NTF3: variants seen among roughly 807,000 people sequenced by gnomAD.
NTF3 encodes the protein neurotrophin-3.
Under a neutral mutation model 26.3 loss-of-function variants are expected in NTF3, and 8 were observed. The observed-to-expected ratio is 0.30, with a 90% CI of 0.18 to 0.55. NTF3 has a LOEUF of 0.55. Ranked by LOEUF, NTF3 falls within the 20% of genes least tolerant of loss-of-function variation. NTF3 has a pLI of 0.93. For missense variants in NTF3, 276 were observed against 352.9 expected (o/e 0.78, Z 1.75); for synonymous variants, 154 against 145.5 (o/e 1.06, Z -0.42).
chr12:5,431,385 G>T (rs1940084321), upstream of NTF3, among the ~76,000 whole-genome samples: 1 of 152,152 alleles, frequency 6.6e-6, no homozygotes, highest in South Asian at 2.1e-4. Context: ...CCGCAAACAC[G>T]CGCGCGCACA....
chr12:5,436,556 C>T (rs1385030502), intron 1 of NTF3, among the ~76,000 whole-genome samples: 1 of 152,180 alleles, frequency 6.6e-6, no homozygotes, highest in Non-Finnish European at 1.5e-5. Context: ...AAAGTTCACT[C>T]CTCTTTTCCC....
intron 1 of NTF3, among the ~76,000 whole-genome samples, chr12:5,434,887 A>C (rs1460595112): frequency 1.3e-5 from 2 of 152,024 alleles, no homozygotes; most frequent in Non-Finnish European, 2.9e-5. Flanking sequence ...ATGAGGGTGC[A>C]CTGGGAAATT....
chr12:5,459,705 G>A (rs1434819212), intron 1 of NTF3, among the ~76,000 whole-genome samples: 1 of 152,152 alleles, frequency 6.6e-6, no homozygotes, highest in East Asian at 1.9e-4. Flanking sequence ...GTGGTTTCCC[G>A]GAAAAGGCCT....
intron 1 of NTF3, among the ~76,000 whole-genome samples, chr12:5,453,820 G>A (rs1940404054): frequency 6.6e-6 from 1 of 152,204 alleles, no homozygotes; most frequent in African/African-American, 2.4e-5. Flanking sequence ...TGAAGGGGAG[G>A]AGGGAGGAAG....
chr12:5,453,601 G>A (rs1940401791), intron 1 of NTF3, among the ~76,000 whole-genome samples: 1 of 152,228 alleles, frequency 6.6e-6, no homozygotes, highest in African/African-American at 2.4e-5. Flanking sequence ...TTTGATCCAT[G>A]TTTAGCTGTA....
At chr12:5,452,188 C>T (rs573862369) in intron 1 of NTF3, among the ~76,000 whole-genome samples, 4 of 151,218 alleles carry the variant, frequency 2.6e-5, no homozygotes, top group African/African-American at 4.9e-5. Context: ...CTCCGCCTCC[C>T]GGGTTCAAGT....
rs547864151 is a variant in NTF3 at position 5,473,570 on chromosome 12, A to G, written c.19-20624A>G. 4.9e-4 allele frequency among the ~76,000 whole-genome samples: 74 copies of G among 152,288 alleles called. No individual in the cohort carries two copies. The South Asian group carries it at 0.014, about 30-fold the overall frequency. On this transcript the variant is annotated intron_variant, in intron 1 of 1. Transcript: ENST00000423158. ...AAATTTCCAATCCAGTGCTGATAGT[A>G]TGTTAGAGCTGTAGGGCCAGGAAAC...
chr12:5,486,310 G>A (rs1380826521), intron 1 of NTF3, among the ~76,000 whole-genome samples: 1 of 152,188 alleles, frequency 6.6e-6, no homozygotes, highest in Non-Finnish European at 1.5e-5. Context: ...GTCTTGGTTT[G>A]GAAGAGGCAA....
At chr12:5,470,367 A>G (rs1380957069) in intron 1 of NTF3, among the ~76,000 whole-genome samples, 1 of 152,244 alleles carries the variant, frequency 6.6e-6, no homozygotes, top group Non-Finnish European at 1.5e-5. Flanking sequence ...AGTAACTGCC[A>G]CAAGCTCCAG....
chr12:5,453,370 C>G (rs1940399159), intron 1 of NTF3, among the ~76,000 whole-genome samples: 1 of 152,186 alleles, frequency 6.6e-6, no homozygotes, highest in South Asian at 2.1e-4. Context: ...TCCTGCCTCC[C>G]CTTCCCTAAG....
intron 1 of NTF3, among the ~76,000 whole-genome samples, chr12:5,461,757 A>G (rs1206518462): frequency 6.6e-6 from 1 of 152,134 alleles, no homozygotes; most frequent in African/African-American, 2.4e-5. Flanking sequence ...TCTGTCCCCA[A>G]AGGAGCTCTC....
chr12:5,483,602 T>C (rs1407810050), intron 1 of NTF3, among the ~76,000 whole-genome samples: 1 of 152,244 alleles, frequency 6.6e-6, no homozygotes, highest in Non-Finnish European at 1.5e-5. Flanking sequence ...TGAACATATA[T>C]GTGCATATGT....
At chr12:5,448,025 C>G (rs1436079530) in intron 1 of NTF3, among the ~76,000 whole-genome samples, 1 of 152,232 alleles carries the variant, frequency 6.6e-6, no homozygotes, top group Non-Finnish European at 1.5e-5. Context: ...GGGTTGCCCA[C>G]ACTTCTGCCA....
intron 1 of NTF3, among the ~76,000 whole-genome samples, chr12:5,481,269 G>A (rs1449601541): frequency 6.6e-6 from 1 of 151,948 alleles, no homozygotes; most frequent in Non-Finnish European, 1.5e-5. Context: ...CCAAAGGGGA[G>A]GCTGGGAGTA....
In NTF3 at chr12:5,492,936, A is replaced by G. The variant is rs1488656312; in HGVS notation, c.19-1258A>G. On this transcript the variant is annotated intron_variant, in intron 1 of 1. Coordinates refer to ENST00000423158, the MANE Select transcript of NTF3 (RefSeq NM_001102654.2). ...TGGACTTAGTAAAGTCTTTCCGAAA[A>G]TACCAAAGGTGAACCAGGGGAAGAG... Among the ~76,000 whole-genome samples the G allele has an allele frequency of 2.6e-5, 4 of 152,344 alleles. No homozygotes were observed. The East Asian group carries it at 7.7e-4, about 29-fold the overall frequency.
At chr12:5,455,762 C>T (rs1288851507) in intron 1 of NTF3, among the ~76,000 whole-genome samples, 9 of 152,138 alleles carry the variant, frequency 5.9e-5, no homozygotes, top group Admixed American at 4.6e-4. Flanking sequence ...AGCAGCTGAT[C>T]GGGAACATGT....
chr12:5,471,881 G>A (rs1457446918), intron 1 of NTF3, among the ~76,000 whole-genome samples: 1 of 152,050 alleles, frequency 6.6e-6, no homozygotes, highest in Non-Finnish European at 1.5e-5. Context: ...TGCAGAGAGA[G>A]GAGAATCAAA....
intron 1 of NTF3, among the ~76,000 whole-genome samples, chr12:5,442,832 C>T (rs987130559): frequency 2.6e-5 from 4 of 152,172 alleles, no homozygotes; most frequent in African/African-American, 9.7e-5. Flanking sequence ...GTCTTGCTAG[C>T]CGCTGTGCGA....
At chr12:5,439,967 A>C (rs1320507229) in intron 1 of NTF3, among the ~76,000 whole-genome samples, 1 of 152,180 alleles carries the variant, frequency 6.6e-6, no homozygotes, top group Non-Finnish European at 1.5e-5. Context: ...TTTGATGCAG[A>C]GCAGAGCAGC....
Sources: allele counts gnomAD v4.1 joint callset (sites outside exome capture counted in the v4.1 genomes callset), GRCh38; gene constraint gnomAD v4.1.1; transcripts MANE v1.5; gene names NCBI Gene and HGNC (gene_info 2026-07-23, HGNC 2026-07-21).